EFHC2: variants seen among roughly 807,000 people sequenced by gnomAD.
The protein encoded by EFHC2 is EF-hand domain containing 2.
A neutral mutation model predicts 52.7 loss-of-function variants in EFHC2; 18 were observed. That is an observed-to-expected ratio of 0.34 (90% CI 0.24 to 0.51). The LOEUF is 0.51. Ranked by LOEUF, EFHC2 falls within the 20% of genes least tolerant of loss-of-function variation. The pLI, the probability that EFHC2 is intolerant of heterozygous loss-of-function variation, is 0.97. For synonymous variants in EFHC2, 203 were observed against 204.1 expected (o/e 0.99, Z 0.04); for missense variants, 513 against 562.5 (o/e 0.91, Z 0.89).
intron 1 of EFHC2, among the ~76,000 whole-genome samples, chrX:44,326,256 G>A (rs2038051168): frequency 9.0e-6 from 1 of 110,558 alleles, no homozygotes; most frequent in African/African-American, 3.3e-5. Context: ...GAGGAGGTGG[G>A]GAGAGGTTGG....
intron 2 of EFHC2, among the ~76,000 whole-genome samples, chrX:44,283,415 C>G (rs1183123849): frequency 9.0e-6 from 1 of 111,697 alleles, no homozygotes; most frequent in Admixed American, 9.5e-5. Flanking sequence ...ATCTCCTGAC[C>G]TCGTGATCCG....
chrX:44,325,910 T>G (rs1602219021), intron 1 of EFHC2, among the ~76,000 whole-genome samples: 1 of 99,452 alleles, frequency 1.0e-5, no homozygotes, highest in Non-Finnish European at 2.0e-5. Context: ...TTTTTTTTTT[T>G]GAGACAGGGT....
chrX:44,312,643 C>A lies in EFHC2; in HGVS notation c.156G>T (p.Lys52Asn). The A allele has an allele frequency of 1.7e-6, 2 of 1,210,187 alleles. No homozygotes were observed. The highest frequency in any genetic ancestry group is 2.2e-6 in the Non-Finnish European group (2 of 894,689). The change falls in exon 2 of 15, where the codon AAG becomes AAT. Residue 52 changes from lysine (K) to asparagine (N), a missense_variant. By Grantham distance (94) the Lys-to-Asn change is moderately conservative (BLOSUM62 0). Transcript: ENST00000420999. ...GIGGEPLLGQ[K>N]IKPKCSIYPK... ...GATATATGCTACATTTAGGCTTTAT[C>A]TTTTGCCCCAGAAGTGGTTCTCCAC...
intron 11 of EFHC2, among the ~76,000 whole-genome samples, chrX:44,219,388 ATAAAT>A (rs2037177728): frequency 9.0e-6 from 1 of 111,419 alleles, no homozygotes; most frequent in Admixed American, 9.6e-5. Flanking sequence ...AAGAAAAACT[ATAAAT>A]AAATAGTAAG....
intron 2 of EFHC2, among the ~76,000 whole-genome samples, chrX:44,300,846 C>T (rs2037862719): frequency 9.0e-6 from 1 of 110,678 alleles, no homozygotes; most frequent in Non-Finnish European, 1.9e-5. Context: ...TACAGTGGCT[C>T]ACACCTGTAA....
At chrX:44,231,382 C>T (rs1373691064) in intron 10 of EFHC2, among the ~76,000 whole-genome samples, 1 of 111,826 alleles carries the variant, frequency 8.9e-6, no homozygotes, top group African/African-American at 3.3e-5. Flanking sequence ...GCAGTCTGTG[C>T]TCTGGGGCTC....
chrX:44,331,488 T>C (rs1343759450), intron 1 of EFHC2, among the ~76,000 whole-genome samples: 1 of 111,688 alleles, frequency 9.0e-6, no homozygotes, highest in African/African-American at 3.3e-5. Flanking sequence ...AATGTATACA[T>C]TGCACCACAT....
At chrX:44,251,238 C>CAA (rs746850685) in intron 4 of EFHC2, among the ~76,000 whole-genome samples, 348 of 18,286 alleles carry the variant, frequency 0.019, 69 homozygotes, top group African/African-American at 0.12. Context: ...GACTCCATCT[C>CAA]AAAAAAAAAA....
In EFHC2 at chrX:44,312,600, C is replaced by A; in HGVS notation, c.199G>T (p.Asp67Tyr). 8.3e-7 allele frequency: 1 copy of A among 1,205,548 alleles called. No individual in the cohort carries two copies. The highest frequency in any genetic ancestry group is 1.1e-6 in the Non-Finnish European group (1 of 892,963). Reference sequence around the variant, plus strand: ...TCAAAGGCTACCCATGATGGTACATCACTTCCATCTCCTTTAGGATATATG... The same window carrying A: ...TCAAAGGCTACCCATGATGGTACATAACTTCCATCTCCTTTAGGATATATG... Reference protein sequence around the residue: ...CSIYPKGDGSDVPSWVAFDKQ... With the variant: ...CSIYPKGDGSYVPSWVAFDKQ... Residue 67 changes from aspartate to tyrosine, a missense_variant, in exon 2 of 15, where the codon GAT becomes TAT. Physicochemically the swap from Asp to Tyr is radical, Grantham distance 160. Transcript: ENST00000420999.
chrX:44,190,520 T>C (rs1265845882), intron 11 of EFHC2, among the ~76,000 whole-genome samples: 1 of 111,976 alleles, frequency 8.9e-6, no homozygotes, highest in Non-Finnish European at 1.9e-5. Context: ...TTCACATTTA[T>C]GGTGAGGATT....
intron 14 of EFHC2, among the ~76,000 whole-genome samples, chrX:44,150,560 A>G (rs2036562111): frequency 1.8e-5 from 2 of 111,742 alleles, no homozygotes; most frequent in South Asian, 7.5e-4. Flanking sequence ...ATCTGATTAG[A>G]AACTGATTAG....
intron 11 of EFHC2, among the ~76,000 whole-genome samples, chrX:44,195,274 A>G (rs2036955074): frequency 1.8e-5 from 2 of 111,334 alleles, no homozygotes; most frequent in African/African-American, 6.5e-5. Context: ...CGCCATGAGA[A>G]CGACATACTT....
At chrX:44,333,713 GA>G (rs992260968) in intron 1 of EFHC2, among the ~76,000 whole-genome samples, 10 of 104,804 alleles carry the variant, frequency 9.5e-5, no homozygotes, top group Admixed American at 2.1e-4. Context: ...AGTAGATGGT[GA>G]AAAAAAAAAC....
intron 11 of EFHC2, among the ~76,000 whole-genome samples, chrX:44,188,599 A>C (rs1271561877): frequency 4.5e-5 from 5 of 111,684 alleles, no homozygotes; most frequent in Non-Finnish European, 9.4e-5. Flanking sequence ...GAAGCAGAAA[A>C]AGTGCTACAA....
Position 44,212,310 on chromosome X carries a change from A to G in EFHC2, c.1751+17339T>C, listed in dbSNP as rs142040641. 9.0e-4 allele frequency among the ~76,000 whole-genome samples: 101 copies of G among 111,954 alleles called. No homozygotes were observed. The East Asian group carries it at 0.027, about 30-fold the overall frequency. Reference sequence around the variant, plus strand: ...GGGGTTGGGCGGCGAGCCTGCACTTAAGTGAATTTTACCTCCACGATCTCC... The same window carrying G: ...GGGGTTGGGCGGCGAGCCTGCACTTGAGTGAATTTTACCTCCACGATCTCC... On this transcript the variant is annotated intron_variant, in intron 11 of 14. Transcript: ENST00000420999.
intron 11 of EFHC2, among the ~76,000 whole-genome samples, chrX:44,187,434 G>C (rs1312036880): frequency 1.0e-4 from 11 of 109,853 alleles, no homozygotes; most frequent in African/African-American, 3.0e-4. Context: ...CCATACTTCT[G>C]TTACTAGATA....
chrX:44,160,403 C>T (rs1044153767), intron 14 of EFHC2, among the ~76,000 whole-genome samples: 2 of 111,048 alleles, frequency 1.8e-5, no homozygotes, highest in East Asian at 2.8e-4. Context: ...CATACTGCAC[C>T]ACATGTAGTC....
chrX:44,250,698 G>A (rs2037436031), intron 4 of EFHC2, among the ~76,000 whole-genome samples: 2 of 105,233 alleles, frequency 1.9e-5, no homozygotes, highest in South Asian at 8.8e-4. Context: ...GGTGTCACAC[G>A]CCTGTAGTCC....
chrX:44,302,260 A>C (rs1435972659), intron 2 of EFHC2, among the ~76,000 whole-genome samples: 1 of 111,680 alleles, frequency 9.0e-6, no homozygotes, highest in Non-Finnish European at 1.9e-5. Context: ...GACAATTTTA[A>C]CTTTGGACTA....
Sources: allele counts gnomAD v4.1 joint callset (sites outside exome capture counted in the v4.1 genomes callset), GRCh38; gene constraint gnomAD v4.1.1; transcripts MANE v1.5; gene names NCBI Gene and HGNC (gene_info 2026-07-23, HGNC 2026-07-21).